SLC35E2B: variants seen among roughly 807,000 people sequenced by gnomAD.
The protein encoded by SLC35E2B is solute carrier family 35, member E2B.
SLC35E2B carries 18 observed loss-of-function variants against 32.4 expected under a neutral mutation model. The observed-to-expected ratio is 0.56, with a 90% CI of 0.38 to 0.82. The LOEUF (loss-of-function observed/expected upper bound fraction) is 0.82. Among genes scored for constraint, SLC35E2B ranks in the 40% least tolerant of loss-of-function variants. SLC35E2B has a pLI of 0.00. For synonymous variants in SLC35E2B, 132 were observed against 209.1 expected (o/e 0.63, Z 3.18); for missense variants, 263 against 469.5 (o/e 0.56, Z 4.06).
chr1:1,674,152 A>C (rs958402089), intron 5 of SLC35E2B: 1 of 170,158 alleles, frequency 5.9e-6, no homozygotes, highest in Non-Finnish European at 1.3e-5. Context: ...AAGGTGTACA[A>C]AAAATAAGCA....
At chr1:1,682,941 G>A (rs1643912827) in intron 2 of SLC35E2B, among the ~76,000 whole-genome samples, 1 of 151,994 alleles carries the variant, frequency 6.6e-6, no homozygotes, top group Admixed American at 6.6e-5. Flanking sequence ...GCCAGGTGTG[G>A]TTGTGGGCAC....
chr1:1,686,527 T>C (rs966114404), intron 2 of SLC35E2B, among the ~76,000 whole-genome samples: 1 of 152,006 alleles, frequency 6.6e-6, no homozygotes, highest in African/African-American at 2.4e-5. Context: ...CTCACGCCTG[T>C]GATCCCAGCA....
chr1:1,679,813 C>G (rs1227060991), intron 2 of SLC35E2B, among the ~76,000 whole-genome samples: 1 of 136,152 alleles, frequency 7.3e-6, no homozygotes, highest in African/African-American at 2.8e-5. Flanking sequence ...GCCTGAGCAA[C>G]AGAGCGAGAC....
chr1:1,679,026 C>T (rs1163094055), intron 2 of SLC35E2B, among the ~76,000 whole-genome samples: 2 of 152,284 alleles, frequency 1.3e-5, no homozygotes, highest in East Asian at 1.9e-4. Context: ...TCACTCCCCA[C>T]CTCACTAGGC....
At chr1:1,677,430 C>A (rs944937831) in intron 2 of SLC35E2B, among the ~76,000 whole-genome samples, 3 of 151,528 alleles carry the variant, frequency 2.0e-5, no homozygotes, top group Admixed American at 2.0e-4. Context: ...GGCTTTGTGG[C>A]TGCCGCTGTC....
intron 2 of SLC35E2B, among the ~76,000 whole-genome samples, chr1:1,681,968 G>A (rs542365488): frequency 1.1e-4 from 12 of 108,608 alleles, no homozygotes; most frequent in Admixed American, 1.1e-3. Flanking sequence ...CAGCCTGGGC[G>A]ACAGAGCAAC....
intron 2 of SLC35E2B, among the ~76,000 whole-genome samples, chr1:1,686,615 A>C (rs1195360663): frequency 6.6e-6 from 1 of 150,674 alleles, no homozygotes; most frequent in Non-Finnish European, 1.5e-5. Context: ...AAAATACAAA[A>C]GTTAGCTGGG....
rs1427955190 is a variant in SLC35E2B at position 1,689,850 on chromosome 1, G to C, written c.-148+1126C>G. Among the ~76,000 whole-genome samples, 5 of 151,050 alleles carry C rather than the reference G, an allele frequency of 3.3e-5. No homozygotes were observed. The Admixed American group carries it at 3.3e-4, about 10-fold the overall frequency. Reference sequence around the variant, plus strand: ...AAAAATACAAAAATTAACCAGGTGTGGTGGTATGCACCTGTAATCCCAGCT... The same window carrying C: ...AAAAATACAAAAATTAACCAGGTGTCGTGGTATGCACCTGTAATCCCAGCT... On this transcript the variant is annotated intron_variant, in intron 2 of 9. Coordinates refer to ENST00000617444, the MANE Select transcript of SLC35E2B (RefSeq NM_001290264.2).
In SLC35E2B at chr1:1,663,386, C is replaced by T. The variant is rs1430084636; in HGVS notation, c.*2396G>A. 7.2e-5 allele frequency: 63 copies of T among 875,802 alleles called. 1 individual carries two copies. In the African/African-American group the frequency reaches 8.2e-4, roughly 11 times the overall value. The allele number at this position is 875,802 out of a possible 1,614,324, so 54.3% of individuals were successfully genotyped here. On this transcript the variant is annotated 3_prime_UTR_variant, in exon 10 of 10. Coordinates refer to ENST00000617444, the MANE Select transcript of SLC35E2B (RefSeq NM_001290264.2). ...AAGAGGCCGGCAGCCACATTCTCGA[C>T]GGGGAGGTGGACAAGGCCACCCTGG...
chr1:1,678,103 G>A (rs919641360), intron 2 of SLC35E2B, among the ~76,000 whole-genome samples: 2 of 152,104 alleles, frequency 1.3e-5, no homozygotes, highest in Non-Finnish European at 2.9e-5. Flanking sequence ...CTCTGGGAGC[G>A]TGTGGTGCCG....
chr1:1,684,904 G>C (rs1322955050), intron 2 of SLC35E2B, among the ~76,000 whole-genome samples: 1 of 149,262 alleles, frequency 6.7e-6, no homozygotes, highest in African/African-American at 2.5e-5. Flanking sequence ...TTGGGAGTTC[G>C]AGACCAGCCT....
Position 1,664,086 on chromosome 1 carries a change from G to C in SLC35E2B, c.*1696C>G, listed in dbSNP as rs568437208. On this transcript the variant is annotated 3_prime_UTR_variant, in exon 10 of 10. Coordinates refer to ENST00000617444, the MANE Select transcript of SLC35E2B (RefSeq NM_001290264.2). ...TGGTTCCAGCCACATGGGAGGCTGA[G>C]GTGGGAGGATCATTTGAGCCCAGGA... 12 of 506,402 alleles carry C rather than the reference G, an allele frequency of 2.4e-5. No homozygotes were observed. The South Asian group carries it at 8.1e-4, about 34-fold the overall frequency. 31.4% of individuals were successfully genotyped at this position (506,402 alleles called of 1,614,324 possible).
At chr1:1,690,060 T>C (rs1211912980) in intron 2 of SLC35E2B, among the ~76,000 whole-genome samples, 1 of 148,670 alleles carries the variant, frequency 6.7e-6, no homozygotes, top group African/African-American at 2.5e-5. Context: ...GGTGGGTGGA[T>C]CACCTGAGGT....
At position 1,663,127 on chromosome 1, in the gene SLC35E2B, G is replaced by A; in HGVS notation, c.*2655C>T. 5 of 951,472 alleles carry A rather than the reference G, an allele frequency of 5.3e-6. No homozygotes were observed. The highest frequency in any genetic ancestry group is 6.3e-6 in the Non-Finnish European group (5 of 799,692). 58.9% of individuals were successfully genotyped at this position (951,472 alleles called of 1,614,324 possible). ...GTGCTGGCTGCCTCATGGGCTCCAG[G>A]CTCCTTCTGCCAGGATGAGGAAGAG... On this transcript the variant is annotated 3_prime_UTR_variant, in exon 10 of 10. Transcript: ENST00000617444.
chr1:1,688,156 C>T (rs115061888), intron 2 of SLC35E2B, among the ~76,000 whole-genome samples: 1 of 152,180 alleles, frequency 6.6e-6, no homozygotes, highest in African/African-American at 2.4e-5. Context: ...CAAGGCCATG[C>T]TGATGAACGA....
intron 8 of SLC35E2B, 51 bp downstream of exon 8, chr1:1,669,613 G>GAGA: frequency 1.4e-6 from 2 of 1,477,414 alleles, no homozygotes; most frequent in Non-Finnish European, 1.8e-6. Flanking sequence ...CTGAATCACC[G>GAGA]GAGAAGGCAG....
intron 2 of SLC35E2B, among the ~76,000 whole-genome samples, chr1:1,686,924 C>A (rs1335528211): frequency 6.6e-6 from 1 of 151,850 alleles, no homozygotes; most frequent in South Asian, 2.1e-4. Context: ...GGCGTGGTGA[C>A]GGGCACCTGT....
At chr1:1,670,198 G>A (rs759793398) in intron 6 of SLC35E2B, 47 bp from the exon 7 acceptor site, 31 of 1,346,894 alleles carry the variant, frequency 2.3e-5, no homozygotes, top group African/African-American at 2.0e-4. Context: ...TCCTCGGCAC[G>A]GAACATCAGG....
At chr1:1,666,923 T>C (rs1557749961) in intron 9 of SLC35E2B, among the ~76,000 whole-genome samples, 1 of 150,616 alleles carries the variant, frequency 6.6e-6, no homozygotes, top group Non-Finnish European at 1.5e-5. Context: ...CTGGCCAATA[T>C]GGTGAACCCC....
Sources: allele counts gnomAD v4.1 joint callset (sites outside exome capture counted in the v4.1 genomes callset), GRCh38; gene constraint gnomAD v4.1.1; transcripts MANE v1.5; gene names NCBI Gene and HGNC (gene_info 2026-07-23, HGNC 2026-07-21).